EBF4: variants seen among roughly 807,000 people sequenced by gnomAD.
EBF4 encodes the protein transcription factor COE4.
In EBF4, 34 loss-of-function variants were observed where a neutral mutation model predicts 67.1. That is an observed-to-expected ratio of 0.51 (90% CI 0.39 to 0.67). The LOEUF (loss-of-function observed/expected upper bound fraction) is 0.67, where lower values mean the gene tolerates loss of function less well. Ranked by LOEUF, EBF4 falls within the 30% of genes least tolerant of loss-of-function variation. EBF4 has a pLI of 0.00. For missense variants in EBF4, 837 were observed against 873.3 expected (o/e 0.96, Z 0.52); for synonymous variants, 387 against 377.7 (o/e 1.02, Z -0.29).
Position 2,751,004 on chromosome 20 carries a change from A to C in EBF4, c.1019-696A>C, listed in dbSNP as rs929713831. On this transcript the variant is annotated intron_variant, in intron 10 of 16. Coordinates refer to ENST00000609451, the Ensembl canonical transcript of EBF4. This position sits in a 1 kb window ranked among gnomAD's most constrained non-coding sequence, Gnocchi z 5.2. Reference sequence around the variant, plus strand: ...ATTAGGTCGGGGCCAGGCTATCTGAAAAGGGCGGTGCGGGGATCAGGAAAA... The same window carrying C: ...ATTAGGTCGGGGCCAGGCTATCTGACAAGGGCGGTGCGGGGATCAGGAAAA... Among the ~76,000 whole-genome samples, 2 of 152,148 alleles carry C rather than the reference A, an allele frequency of 1.3e-5. No individual in the cohort carries two copies. Among genetic ancestry groups the C allele is most frequent in the Admixed American group, 6.5e-5 (1 of 15,276 alleles).
chr20:2,711,496 A>G (rs1435834608), intron 6 of EBF4, among the ~76,000 whole-genome samples: 1 of 152,256 alleles, frequency 6.6e-6, no homozygotes, highest in Non-Finnish European at 1.5e-5. Flanking sequence ...GACAAAGAAT[A>G]TGTGCATTTG....
At chr20:2,695,081 C>A (rs1423771003) in intron 1 of EBF4, among the ~76,000 whole-genome samples, 1 of 150,920 alleles carries the variant, frequency 6.6e-6, no homozygotes, top group African/African-American at 2.4e-5. Context: ...CTGTGCTATG[C>A]TTACAATTCC....
chr20:2,693,909 C>G lies in EBF4; in HGVS notation c.137+127C>G. 2 of 1,177,402 alleles carry G rather than the reference C, an allele frequency of 1.7e-6. No individual in the cohort carries two copies. Among genetic ancestry groups the G allele is most frequent in the Non-Finnish European group, 2.1e-6 (2 of 936,968 alleles). The allele number at this position is 1,177,402 out of a possible 1,614,324, so 72.9% of individuals were successfully genotyped here. A position where few individuals can be genotyped will look rare whatever the true frequency, so the allele number is the denominator to read the frequency against. ...AACTCTGGACGGTCCCGGCGAGCTC[C>G]CCGGCCCACCCCGTCCGGAGTGCCT... On this transcript the variant is annotated intron_variant, in intron 1 of 16. Transcript: ENST00000609451. The surrounding 1 kb of genome is among the most constrained non-coding windows in gnomAD (Gnocchi z 4.6).
chr20:2,716,584 A>G (rs1298282764), intron 6 of EBF4, among the ~76,000 whole-genome samples: 1 of 152,124 alleles, frequency 6.6e-6, no homozygotes, highest in Non-Finnish European at 1.5e-5. Flanking sequence ...ATATTCTTCT[A>G]TATTTTCTTC....
At position 2,739,316 on chromosome 20, in the gene EBF4, C is replaced by G. The variant is rs566922801; in HGVS notation, c.558-9233C>G. 6.6e-6 allele frequency among the ~76,000 whole-genome samples: 1 copy of G among 151,944 alleles called. No individual in the cohort carries two copies. Among genetic ancestry groups the G allele is most frequent in the Non-Finnish European group, 1.5e-5 (1 of 67,986 alleles). On this transcript the variant is annotated intron_variant, in intron 6 of 16. Transcript: ENST00000609451. This position sits in a 1 kb window ranked among gnomAD's most constrained non-coding sequence, Gnocchi z 4.5. ...CACTGATCGAGTGAGCCGTCTGCCCCGTGGTGGAGCTGTTAGTCCCTTTGC... is the reference window on the plus strand; with the variant it reads ...CACTGATCGAGTGAGCCGTCTGCCCGGTGGTGGAGCTGTTAGTCCCTTTGC...
rs1476176866 is a variant in EBF4 at position 2,747,817 on chromosome 20, C to A, written c.558-732C>A. Among the ~76,000 whole-genome samples the A allele has an allele frequency of 1.3e-5, 2 of 152,140 alleles. No homozygotes were observed. The highest frequency in any genetic ancestry group is 2.9e-5 in the Non-Finnish European group (2 of 68,048). ...GCATATACTGTGTAGGGTGGGCATA[C>A]ACCGTGCATGATGGGTACAGGCTCT... On this transcript the variant is annotated intron_variant, in intron 6 of 16. Coordinates refer to ENST00000609451, the Ensembl canonical transcript of EBF4. This position sits in a 1 kb window ranked among gnomAD's most constrained non-coding sequence, Gnocchi z 4.6.
At chr20:2,729,840 A>G (rs2087790877) in intron 6 of EBF4, among the ~76,000 whole-genome samples, 1 of 152,214 alleles carries the variant, frequency 6.6e-6, no homozygotes, top group African/African-American at 2.4e-5. Context: ...TGGGGATTCA[A>G]TTTCCTCCCT....
chr20:2,708,879 C>A (rs987041667), intron 5 of EBF4, among the ~76,000 whole-genome samples: 3 of 152,198 alleles, frequency 2.0e-5, no homozygotes, highest in African/African-American at 7.2e-5. Flanking sequence ...CTTTCATGGG[C>A]AGATTCACTT....
Position 2,742,280 on chromosome 20 carries a change from C to A in EBF4, c.558-6269C>A, listed in dbSNP as rs73074931. On this transcript the variant is annotated intron_variant, in intron 6 of 16. Transcript: ENST00000609451. ...CCGTAAAGTGGGAATGGTTGCAGACCGACACGACCTGGGGGATTGAGCAAG... is the reference window on the plus strand; with the variant it reads ...CCGTAAAGTGGGAATGGTTGCAGACAGACACGACCTGGGGGATTGAGCAAG... 5.1e-4 allele frequency among the ~76,000 whole-genome samples: 78 copies of A among 152,156 alleles called. No homozygotes were observed. In the South Asian group the frequency reaches 8.5e-3, roughly 17 times the overall value.
At chr20:2,698,772 A>T (rs1053131606) in intron 1 of EBF4, among the ~76,000 whole-genome samples, 1 of 152,176 alleles carries the variant, frequency 6.6e-6, no homozygotes, top group African/African-American at 2.4e-5. Flanking sequence ...CCGTAGCCCT[A>T]GCATCCCAGA....
intron 6 of EBF4, among the ~76,000 whole-genome samples, chr20:2,715,270 AT>A (rs1242753925): frequency 6.6e-6 from 1 of 152,218 alleles, no homozygotes; most frequent in East Asian, 1.9e-4. Context: ...ATAAAAAAAA[AT>A]GATACCATGT....
intron 6 of EBF4, among the ~76,000 whole-genome samples, chr20:2,731,703 C>T (rs1184518107): frequency 6.6e-6 from 1 of 152,244 alleles, no homozygotes; most frequent in Non-Finnish European, 1.5e-5. Context: ...AAGTTTTTCT[C>T]TGTCCGTGGG....
intron 14 of EBF4, among the ~76,000 whole-genome samples, chr20:2,753,045 T>C (rs2088182587): frequency 6.6e-6 from 1 of 152,236 alleles, no homozygotes; most frequent in African/African-American, 2.4e-5. Flanking sequence ...GTCCCCGCGA[T>C]GTCGTCCGGC....
intron 10 of EBF4, 116 bp downstream of exon 10, chr20:2,750,089 C>T: frequency 2.1e-6 from 3 of 1,404,162 alleles, no homozygotes; most frequent in African/African-American, 1.5e-5. Flanking sequence ...GTGGCCACGA[C>T]CCCTAGACGG....
At chr20:2,752,246 C>A in exon 13 of EBF4, 1 of 1,291,988 alleles carries the variant, frequency 7.7e-7, no homozygotes. Flanking sequence ...GGGGACGCCA[C>A]CCCGGGGCCC....
At chr20:2,748,341 A>T (rs1443850506) in intron 6 of EBF4, among the ~76,000 whole-genome samples, 2 of 152,118 alleles carry the variant, frequency 1.3e-5, no homozygotes, top group Non-Finnish European at 2.9e-5. Context: ...ATGGTTGTAT[A>T]GCGAAGTTGT....
chr20:2,725,558 A>G (rs984653366), intron 6 of EBF4, among the ~76,000 whole-genome samples: 3 of 152,006 alleles, frequency 2.0e-5, no homozygotes, highest in Admixed American at 2.0e-4. Flanking sequence ...TCTGTTGTCC[A>G]TTATTTCTGC....
At chr20:2,705,837 A>ACT (rs2087448857) in intron 2 of EBF4, 104 bp downstream of exon 2, 2 of 1,389,464 alleles carry the variant, frequency 1.4e-6, no homozygotes, top group East Asian at 2.5e-5. Flanking sequence ...ACACACACAC[A>ACT]CTGGGACAGA....
At chr20:2,708,874 A>G (rs111365260) in intron 5 of EBF4, among the ~76,000 whole-genome samples, 74 of 152,348 alleles carry the variant, frequency 4.9e-4, no homozygotes, top group African/African-American at 1.7e-3. Flanking sequence ...TGCTGCTTTC[A>G]TGGGCAGATT....
Sources: gnomAD v4.1 joint callset for allele counts (sites outside exome capture counted in the v4.1 genomes callset) on GRCh38, gnomAD v4.1.1 for gene constraint, Gnocchi (gnomAD v3.1) non-coding constraint, MANE v1.5 for transcripts, NCBI Gene and HGNC (gene_info 2026-07-23, HGNC 2026-07-21) for gene names.